The following ERI3 variants were observed in gnomAD, a reference collection of about 807,000 sequenced individuals.
ERI3 encodes the protein ERI1 exoribonuclease 3.
A neutral mutation model predicts 44.4 loss-of-function variants in ERI3; 18 were observed. The observed-to-expected ratio is 0.41, with a 90% CI of 0.28 to 0.60. The LOEUF is 0.60. ERI3 is among the 20% of genes least tolerant of loss of function. The pLI is 0.36. For synonymous variants in ERI3, 183 were observed against 164.8 expected, an observed-to-expected ratio of 1.11 and a Z score of -0.84; for missense variants, 294 against 435.5, an observed-to-expected ratio of 0.68 and a Z score of 2.89.
intron 3 of ERI3, among the ~76,000 whole-genome samples, chr1:44,327,058 A>G (rs1246366299): frequency 2.6e-5 from 4 of 152,234 alleles, no homozygotes; most frequent in African/African-American, 9.6e-5. Context: ...TCAATTGTAA[A>G]TAACTTCAGA....
intron 8 of ERI3, among the ~76,000 whole-genome samples, chr1:44,242,313 G>A (rs1403128816): frequency 6.6e-6 from 1 of 152,234 alleles, no homozygotes; most frequent in African/African-American, 2.4e-5. Flanking sequence ...ATCAAGGTCT[G>A]TAGAGGCCTC....
At chr1:44,310,963 G>GCGCGCGCGCGCGCGCGCACACA (rs1373873768) in intron 5 of ERI3, among the ~76,000 whole-genome samples, 7 of 123,196 alleles carry the variant, frequency 5.7e-5, no homozygotes, top group Non-Finnish European at 8.5e-5. Context: ...GCGCGCGCGC[G>GCGCGCGCGCGCGCGCGCACACA]CACACACACA....
chr1:44,276,634 C>G (rs1159179550), intron 7 of ERI3, among the ~76,000 whole-genome samples: 1 of 152,218 alleles, frequency 6.6e-6, no homozygotes, highest in Non-Finnish European at 1.5e-5. Context: ...AATCTCTAAT[C>G]CTTCCATCTG....
At chr1:44,322,704 C>T (rs1273708406) in intron 3 of ERI3, 1 of 1,538,326 alleles carries the variant, frequency 6.5e-7, no homozygotes, top group Non-Finnish European at 8.8e-7. Context: ...GCAGCAAGGA[C>T]CTCACTGAGG....
chr1:44,350,375 C>A (rs1211519256), intron 2 of ERI3, among the ~76,000 whole-genome samples: 2 of 151,934 alleles, frequency 1.3e-5, no homozygotes, highest in Non-Finnish European at 2.9e-5. Flanking sequence ...GATTCTCATG[C>A]CTCAGCCTCC....
At chr1:44,341,526 C>T (rs1287184294) in intron 2 of ERI3, among the ~76,000 whole-genome samples, 1 of 152,176 alleles carries the variant, frequency 6.6e-6, no homozygotes, top group Non-Finnish European at 1.5e-5. Context: ...TATATATACC[C>T]TATTCTGATG....
At chr1:44,300,367 C>T (rs997311820) in intron 6 of ERI3, among the ~76,000 whole-genome samples, 1 of 152,322 alleles carries the variant, frequency 6.6e-6, no homozygotes, top group Non-Finnish European at 1.5e-5. Flanking sequence ...GGGTTCCACC[C>T]TACAGCCTAG....
At chr1:44,308,449 G>A in intron 5 of ERI3, 48 bp from the exon 6 acceptor site, 2 of 1,488,252 alleles carry the variant, frequency 1.3e-6, no homozygotes, top group Non-Finnish European at 1.9e-6. Context: ...TTTTCCCTGA[G>A]CCTGTGAAGA....
chr1:44,271,087 TC>T (rs1193177111), intron 7 of ERI3, among the ~76,000 whole-genome samples: 2 of 152,134 alleles, frequency 1.3e-5, no homozygotes, highest in South Asian at 2.1e-4. Context: ...GGCTCCCTCT[TC>T]CCTTCATGCA....
chr1:44,312,643 G>A (rs533025462), intron 5 of ERI3, among the ~76,000 whole-genome samples: 4 of 152,340 alleles, frequency 2.6e-5, no homozygotes, highest in African/African-American at 7.2e-5. Context: ...CTCTGCACCC[G>A]ACAGGCACAA....
intron 2 of ERI3, among the ~76,000 whole-genome samples, chr1:44,342,858 T>TATAAATATATATATATATATATATATA (rs1408660607): frequency 8.8e-5 from 1 of 11,368 alleles, no homozygotes; most frequent in Non-Finnish European, 1.6e-4. Flanking sequence ...TATATATATA[T>TATAAATATATATATATATATATATATA]TTTTTTTTTT....
At chr1:44,310,924 A>C (rs1645941834) in intron 5 of ERI3, among the ~76,000 whole-genome samples, 1 of 147,658 alleles carries the variant, frequency 6.8e-6, no homozygotes, top group Non-Finnish European at 1.5e-5. Context: ...CTCTCCTCTG[A>C]CCCAACTCCT....
intron 8 of ERI3, among the ~76,000 whole-genome samples, chr1:44,245,160 G>A (rs546360688): frequency 9.9e-5 from 15 of 152,206 alleles, no homozygotes; most frequent in African/African-American, 2.6e-4. Flanking sequence ...ACAGTAACTC[G>A]GGGCATCGCC....
chr1:44,349,502 T>C (rs1357055698), intron 2 of ERI3, among the ~76,000 whole-genome samples: 2 of 152,144 alleles, frequency 1.3e-5, no homozygotes, highest in Non-Finnish European at 2.9e-5. Context: ...CTGAAAATTT[T>C]CCATTATGAA....
intron 8 of ERI3, among the ~76,000 whole-genome samples, chr1:44,247,676 T>C (rs1228543838): frequency 2.6e-5 from 4 of 152,112 alleles, no homozygotes; most frequent in Admixed American, 2.6e-4. Flanking sequence ...AAGGAGGACC[T>C]TGGCCTGAGT....
chr1:44,297,860 T>G (rs1470603202), intron 6 of ERI3, among the ~76,000 whole-genome samples: 1 of 152,192 alleles, frequency 6.6e-6, no homozygotes, highest in East Asian at 1.9e-4. Flanking sequence ...TCCAGGATAG[T>G]GGAAGGGAAG....
intron 7 of ERI3, among the ~76,000 whole-genome samples, chr1:44,281,535 CCATGTTTATACTACCG>C (rs1645281997): frequency 6.8e-6 from 1 of 146,310 alleles, no homozygotes; most frequent in African/African-American, 2.6e-5. Flanking sequence ...CTGCAGCGAG[CCATGTTTATACTACCG>C]CATTCTAGCC....
At chr1:44,281,569 C>CA (rs112914070) in intron 7 of ERI3, among the ~76,000 whole-genome samples, 24 of 131,218 alleles carry the variant, frequency 1.8e-4, no homozygotes, top group African/African-American at 6.9e-4. Flanking sequence ...GCCTGGGTGA[C>CA]AGAGTGAGAC....
intron 6 of ERI3, among the ~76,000 whole-genome samples, chr1:44,306,937 T>C (rs1255847964): frequency 6.6e-6 from 1 of 152,204 alleles, no homozygotes; most frequent in East Asian, 1.9e-4. Flanking sequence ...ATTAAGTCCC[T>C]TCCTCACTTT....
Sources: allele counts gnomAD v4.1 joint callset (sites outside exome capture counted in the v4.1 genomes callset), GRCh38; gene constraint gnomAD v4.1.1; transcripts MANE v1.5; gene names NCBI Gene and HGNC (gene_info 2026-07-23, HGNC 2026-07-21).